Variants in HS3ST3A1 observed in about 807,000 individuals in gnomAD.
HS3ST3A1 encodes the protein heparan sulfate-glucosamine 3-sulfotransferase 3A1.
In HS3ST3A1, 19 loss-of-function variants were observed where a neutral mutation model predicts 25.7. That is an observed-to-expected ratio of 0.74 (90% confidence interval 0.52 to 1.08). HS3ST3A1 has a LOEUF of 1.08. HS3ST3A1 is among the 50% of genes least tolerant of loss of function. The pLI is 0.00. For synonymous variants in HS3ST3A1, 226 were observed against 278.6 expected (o/e 0.81, Z 1.88); for missense variants, 459 against 594.3 (o/e 0.77, Z 2.37).
intron 1 of HS3ST3A1, among the ~76,000 whole-genome samples, chr17:13,558,880 T>C (rs1404051646): frequency 6.6e-6 from 1 of 152,118 alleles, no homozygotes; most frequent in Non-Finnish European, 1.5e-5. Context: ...AAAACCACAA[T>C]GCTACTGAAA....
At chr17:13,496,995 A>T (rs1442593207) in intron 1 of HS3ST3A1, among the ~76,000 whole-genome samples, 177 bp from the exon 2 acceptor site, 1 of 152,148 alleles carries the variant, frequency 6.6e-6, no homozygotes, top group Non-Finnish European at 1.5e-5. Flanking sequence ...TCGTGTATTA[A>T]ACGGAGAATA....
chr17:13,525,617 C>T (rs1199787432), intron 1 of HS3ST3A1, among the ~76,000 whole-genome samples: 1 of 152,076 alleles, frequency 6.6e-6, no homozygotes, highest in African/African-American at 2.4e-5. Context: ...CTGTTTTCTC[C>T]CATTTCATAC....
rs532002834 is a variant in HS3ST3A1, at chr17:13,564,049, A to T, written c.599+36482T>A. Reference sequence around the variant, plus strand: ...CAAAGCTGAATTACCATTGCTCTTCAGGAAGCTAAAGAGATTAGATGGGTT... The same window carrying T: ...CAAAGCTGAATTACCATTGCTCTTCTGGAAGCTAAAGAGATTAGATGGGTT... On this transcript the variant is annotated intron_variant, in intron 1 of 1. Transcript: ENST00000284110. Among the ~76,000 whole-genome samples the T allele has an allele frequency of 3.8e-4, 58 of 152,338 alleles. 1 individual carries two copies. The South Asian group carries it at 0.012, about 32-fold the overall frequency.
intron 1 of HS3ST3A1, among the ~76,000 whole-genome samples, chr17:13,512,117 G>A (rs1905881935): frequency 6.6e-6 from 1 of 152,002 alleles, no homozygotes; most frequent in South Asian, 2.1e-4. Flanking sequence ...GGCTAACAAG[G>A]TGAAACCCCG....
intron 1 of HS3ST3A1, among the ~76,000 whole-genome samples, chr17:13,525,803 G>C (rs1906396154): frequency 6.6e-6 from 1 of 151,980 alleles, no homozygotes; most frequent in African/African-American, 2.4e-5. Context: ...AACAGCTTCT[G>C]TTTTTCTGAG....
At chr17:13,587,730 T>A (rs1346951796) in intron 1 of HS3ST3A1, among the ~76,000 whole-genome samples, 1 of 152,138 alleles carries the variant, frequency 6.6e-6, no homozygotes, top group Non-Finnish European at 1.5e-5. Context: ...ATGATTAAGC[T>A]TGAAAAAAAA....
chr17:13,584,838 T>C (rs953521891), intron 1 of HS3ST3A1, among the ~76,000 whole-genome samples: 1 of 152,150 alleles, frequency 6.6e-6, no homozygotes, highest in South Asian at 2.1e-4. Context: ...CCAGGAAAGA[T>C]AGGGAAGGTG....
chr17:13,600,095 T>C (rs745401015), intron 1 of HS3ST3A1, among the ~76,000 whole-genome samples: 1 of 152,194 alleles, frequency 6.6e-6, no homozygotes, highest in Non-Finnish European at 1.5e-5. Flanking sequence ...AATAAATACC[T>C]GATGGTAAAG....
At chr17:13,600,139 A>T (rs1908680228) in intron 1 of HS3ST3A1, among the ~76,000 whole-genome samples, 1 of 152,252 alleles carries the variant, frequency 6.6e-6, no homozygotes, top group Non-Finnish European at 1.5e-5. Flanking sequence ...TCCAAAAGAT[A>T]AAGAATGAAA....
chr17:13,523,705 T>G (rs11656598), intron 1 of HS3ST3A1, among the ~76,000 whole-genome samples: 3 of 152,248 alleles, frequency 2.0e-5, no homozygotes, highest in Non-Finnish European at 4.4e-5. Flanking sequence ...TTCAATTGGT[T>G]GTTTTTGCCT....
intron 1 of HS3ST3A1, among the ~76,000 whole-genome samples, chr17:13,508,688 G>A (rs73982018): frequency 0.01 from 1,583 of 152,234 alleles, 31 homozygotes; most frequent in African/African-American, 0.036. Flanking sequence ...GTTTTAAAGT[G>A]GTTTCTGTCT....
At chr17:13,546,514 C>G (rs1159943449) in intron 1 of HS3ST3A1, among the ~76,000 whole-genome samples, 2 of 152,210 alleles carry the variant, frequency 1.3e-5, no homozygotes, top group Non-Finnish European at 2.9e-5. Context: ...GATCTACCCG[C>G]CTCGGCCTCC....
chr17:13,580,440 A>G (rs777201032), intron 1 of HS3ST3A1, among the ~76,000 whole-genome samples: 1 of 152,224 alleles, frequency 6.6e-6, no homozygotes, highest in Middle Eastern at 3.2e-3. Context: ...ATCTAAAATC[A>G]GATCAGCAAA....
intron 1 of HS3ST3A1, among the ~76,000 whole-genome samples, chr17:13,523,482 T>C (rs1906313229): frequency 6.6e-6 from 1 of 152,332 alleles, no homozygotes; most frequent in South Asian, 2.1e-4. Context: ...AATGTACCTG[T>C]GATCTATGGT....
At chr17:13,586,194 C>T (rs894437700) in intron 1 of HS3ST3A1, among the ~76,000 whole-genome samples, 1 of 152,040 alleles carries the variant, frequency 6.6e-6, no homozygotes, top group African/African-American at 2.4e-5. Flanking sequence ...GAACTACTCT[C>T]CCTTTCCTCC....
At chr17:13,500,232 CT>C (rs1905423701) in intron 1 of HS3ST3A1, among the ~76,000 whole-genome samples, 1 of 152,124 alleles carries the variant, frequency 6.6e-6, no homozygotes, top group African/African-American at 2.4e-5. Context: ...GGAAATTGTT[CT>C]TCTTTACCTG....
chr17:13,561,421 C>G (rs1052217354), intron 1 of HS3ST3A1, among the ~76,000 whole-genome samples: 6 of 149,998 alleles, frequency 4.0e-5, no homozygotes, highest in African/African-American at 1.2e-4. Flanking sequence ...GAACCTTGCT[C>G]TGTCGCCCAG....
intron 1 of HS3ST3A1, among the ~76,000 whole-genome samples, chr17:13,552,737 A>G (rs1225524283): frequency 6.6e-6 from 1 of 152,220 alleles, no homozygotes; most frequent in Non-Finnish European, 1.5e-5. Context: ...ATTAAGACAA[A>G]GAAAGGCACA....
In HS3ST3A1 at chr17:13,496,532, C is replaced by T; in HGVS notation, c.886G>A (p.Glu296Lys). ...IQIGIYAKHL[E>K]HWLRHFPIRQ... ...ATGGGGAAGTGGCGCAGCCAGTGCTCCAGGTGCTTGGCGTAGATGCCGATC... is the reference window on the plus strand; with the variant it reads ...ATGGGGAAGTGGCGCAGCCAGTGCTTCAGGTGCTTGGCGTAGATGCCGATC... Residue 296 changes from glutamate (E) to lysine (K), a missense_variant, in exon 2 of 2, where the codon GAG (glutamate) becomes AAG (lysine). Around this residue, in one of 3 missense-constraint regions of HS3ST3A1, gnomAD observed 67 missense variants for 231.4 expected, o/e 0.29. Coordinates refer to ENST00000284110, the MANE Select transcript of HS3ST3A1 (RefSeq NM_006042.3). The T allele has an allele frequency of 1.3e-6, 2 of 1,516,326 alleles. No individual in the cohort carries two copies. The highest frequency in any genetic ancestry group is 2.3e-4 in the Middle Eastern group (1 of 4,374). 93.9% of individuals were successfully genotyped at this position (1,516,326 alleles called of 1,614,324 possible).
Sources: allele counts gnomAD v4.1 joint callset (sites outside exome capture counted in the v4.1 genomes callset), GRCh38; gene constraint gnomAD v4.1.1; regional missense constraint gnomAD v4.1.1; transcripts MANE v1.5; gene names NCBI Gene and HGNC (gene_info 2026-07-23, HGNC 2026-07-21).